The following SDC2 variants were observed in gnomAD, a reference collection of about 807,000 sequenced individuals.
The protein encoded by SDC2 is syndecan 2.
A neutral mutation model predicts 22.2 loss-of-function variants in SDC2; 13 were observed. The observed-to-expected ratio is 0.59, with a 90% CI of 0.38 to 0.93. SDC2 has a LOEUF of 0.93. Among genes scored for constraint, SDC2 ranks in the 40% least tolerant of loss-of-function variants. The probability of loss-of-function intolerance (pLI) is 0.00; values close to 1 mark genes in which losing one functional copy is unlikely to be tolerated. For synonymous variants in SDC2, 94 were observed against 92.8 expected, an observed-to-expected ratio of 1.01 and a Z score of -0.07; for missense variants, 235 against 246.8, an observed-to-expected ratio of 0.95 and a Z score of 0.32.
rs1365620450 is a variant in SDC2 at position 96,576,379 on chromosome 8, G to GTTTTTTTTTTT, written c.61-17097_61-17096insTTTTTTTTTTT. On this transcript the variant is annotated intron_variant, in intron 1 of 4. Coordinates refer to ENST00000302190, the MANE Select transcript of SDC2 (RefSeq NM_002998.4). The stretch of plus-strand genomic sequence containing the variant: ...ATAATTGGTAGTTTGTTTTTGTTTT[G>GTTTTTTTTTTT]TTTTGTTTTTTTTTACCAGATTTGC... Among the ~76,000 whole-genome samples, 292 of 47,502 alleles carry GTTTTTTTTTTT rather than the reference G, an allele frequency of 6.1e-3. 7 individuals carry two copies. The highest frequency in any genetic ancestry group is 0.018 in the South Asian group (19 of 1,044). 31.2% of individuals were successfully genotyped at this position (47,502 alleles called of 152,430 possible). A position where few individuals can be genotyped will look rare whatever the true frequency, so the allele number is the denominator to read the frequency against.
chr8:96,558,518 A>G (rs1814157273), intron 1 of SDC2, among the ~76,000 whole-genome samples: 1 of 152,192 alleles, frequency 6.6e-6, no homozygotes, highest in Non-Finnish European at 1.5e-5. Context: ...GTCTATACCT[A>G]GTAAGTGCTT....
chr8:96,609,542 T>C lies in SDC2; in HGVS notation c.600T>C (p.Tyr200=). Residue 200 remains tyrosine, a synonymous_variant, in exon 5 of 5, where the codon TAT becomes TAC. Transcript: ENST00000302190. ...AYQKAPTKEF[Y]A is the part of the protein sequence containing the mutation. ...AGAAGGCACCTACTAAGGAGTTTTATGCGTAAAACTCCAACTTAGTGTCTC... is the reference window on the plus strand; with the variant it reads ...AGAAGGCACCTACTAAGGAGTTTTACGCGTAAAACTCCAACTTAGTGTCTC... 6.3e-7 allele frequency: 1 copy of C among 1,583,898 alleles called. No individual in the cohort carries two copies. The highest frequency in any genetic ancestry group is 1.8e-5 in the Admixed American group (1 of 55,590).
At chr8:96,573,521 C>T (rs1814437827) in intron 1 of SDC2, among the ~76,000 whole-genome samples, 2 of 152,082 alleles carry the variant, frequency 1.3e-5, no homozygotes, top group East Asian at 3.9e-4. Context: ...ACCTGACACA[C>T]AATTGCTCTA....
At chr8:96,566,379 C>A (rs1028940701) in intron 1 of SDC2, among the ~76,000 whole-genome samples, 6 of 152,106 alleles carry the variant, frequency 3.9e-5, no homozygotes, top group African/African-American at 1.4e-4. Flanking sequence ...GTTATAAAAC[C>A]ATTAATGGTA....
intron 1 of SDC2, among the ~76,000 whole-genome samples, chr8:96,535,007 T>A (rs781695416): frequency 8.2e-6 from 1 of 122,282 alleles, no homozygotes; most frequent in Non-Finnish European, 1.5e-5. Flanking sequence ...TGCCAAACAA[T>A]TTTTTTTTTT....
chr8:96,593,704 G>A (rs1015582970), intron 2 of SDC2, 113 bp downstream of exon 2: 30 of 661,144 alleles, frequency 4.5e-5, no homozygotes, highest in Non-Finnish European at 6.6e-5. Flanking sequence ...TAAGGGCACC[G>A]TCTTTGGAAT....
chr8:96,583,392 A>ATG (rs71267269), intron 1 of SDC2, among the ~76,000 whole-genome samples: 55,219 of 101,916 alleles, frequency 0.54, 11,998 homozygotes, highest in Non-Finnish European at 0.64. Context: ...TATATGACAT[A>ATG]TGTGTGTGTG....
chr8:96,527,712 G>T (rs1282410686), intron 1 of SDC2, among the ~76,000 whole-genome samples: 2 of 152,194 alleles, frequency 1.3e-5, no homozygotes, highest in African/African-American at 4.8e-5. Flanking sequence ...GGATGGATCT[G>T]TAGGGTGCAT....
At chr8:96,597,183 G>T (rs1814892109) in intron 2 of SDC2, among the ~76,000 whole-genome samples, 1 of 152,212 alleles carries the variant, frequency 6.6e-6, no homozygotes, top group Non-Finnish European at 1.5e-5. Flanking sequence ...CTTAGATTAA[G>T]AATAATTTAA....
intron 1 of SDC2, among the ~76,000 whole-genome samples, chr8:96,545,757 C>CATT (rs1177724404): frequency 6.6e-6 from 1 of 152,180 alleles, no homozygotes; most frequent in Non-Finnish European, 1.5e-5. Context: ...AGGGTGGTGG[C>CATT]CTGGGCGTCG....
intron 1 of SDC2, among the ~76,000 whole-genome samples, chr8:96,511,448 T>C (rs1171599192): frequency 6.6e-6 from 1 of 152,226 alleles, no homozygotes; most frequent in Non-Finnish European, 1.5e-5. Context: ...CAGTGACTCA[T>C]AAGCACATTA....
Position 96,609,395 on chromosome 8 carries a change from T to G in SDC2, c.453T>G (p.Ala151=), listed in dbSNP as rs1434954918. 6.2e-7 allele frequency: 1 copy of G among 1,611,940 alleles called. No individual in the cohort carries two copies. The highest frequency in any genetic ancestry group is 8.5e-7 in the Non-Finnish European group (1 of 1,179,068). ...TTTTGGTTGTTTCAGCTGTCATTGC[T>G]GGTGGAGTTATTGGCTTTCTCTTTG... ...KRTEVLAAVI[A]GGVIGFLFAI... is the part of the protein sequence containing the mutation. The change falls in exon 5 of 5, where the codon GCT becomes GCG. Residue 151 remains alanine (A), a synonymous_variant. Coordinates refer to ENST00000302190, the MANE Select transcript of SDC2 (RefSeq NM_002998.4).
intron 1 of SDC2, among the ~76,000 whole-genome samples, chr8:96,542,111 T>G (rs1813860047): frequency 6.6e-6 from 1 of 152,072 alleles, no homozygotes; most frequent in Non-Finnish European, 1.5e-5. Flanking sequence ...AATTTTCACT[T>G]CTCCCCAGCT....
intron 1 of SDC2, among the ~76,000 whole-genome samples, chr8:96,557,961 G>T (rs555485496): frequency 6.6e-6 from 1 of 152,246 alleles, no homozygotes; most frequent in African/African-American, 2.4e-5. Context: ...AACTTATCCT[G>T]AGGATAGATG....
chr8:96,531,048 GA>G (rs1813653399), intron 1 of SDC2, among the ~76,000 whole-genome samples: 1 of 152,162 alleles, frequency 6.6e-6, no homozygotes, highest in Non-Finnish European at 1.5e-5. Context: ...CAGCTCCCCT[GA>G]GGGCTGATGG....
At chr8:96,551,293 G>C (rs1814022501) in intron 1 of SDC2, among the ~76,000 whole-genome samples, 1 of 152,166 alleles carries the variant, frequency 6.6e-6, no homozygotes, top group African/African-American at 2.4e-5. Context: ...CCTGCCTGTA[G>C]TTACAATTTT....
intron 1 of SDC2, chr8:96,538,591 A>G (rs1178901584): frequency 6.6e-6 from 1 of 152,246 alleles, no homozygotes; most frequent in Non-Finnish European, 1.5e-5. Context: ...ATTCTATTGC[A>G]TATGAAAAGT....
At chr8:96,504,358 C>G (rs1813208449) in intron 1 of SDC2, among the ~76,000 whole-genome samples, 1 of 152,142 alleles carries the variant, frequency 6.6e-6, no homozygotes, top group Admixed American at 6.5e-5. Context: ...TGGAGTTGTT[C>G]TAGCATTGCC....
chr8:96,540,340 G>GTGTGTGTATATATATATA (rs4058341), intron 1 of SDC2, among the ~76,000 whole-genome samples: 3 of 123,668 alleles, frequency 2.4e-5, no homozygotes, highest in African/African-American at 5.9e-5. Context: ...ATATATATGT[G>GTGTGTGTATATATATATA]TATATATATA....
Sources: allele counts gnomAD v4.1 joint callset (sites outside exome capture counted in the v4.1 genomes callset), GRCh38; gene constraint gnomAD v4.1.1; transcripts MANE v1.5; gene names NCBI Gene and HGNC (gene_info 2026-07-23, HGNC 2026-07-21).